The following BOD1L1 variants were observed in gnomAD, a reference collection of about 807,000 sequenced individuals.
BOD1L1 encodes biorientation of chromosomes in cell division protein 1-like 1.
In BOD1L1, 86 loss-of-function variants were observed where a neutral mutation model predicts 240.7. The observed-to-expected ratio is 0.36, with a 90% CI of 0.30 to 0.43. The LOEUF (loss-of-function observed/expected upper bound fraction) is 0.43, where lower values mean the gene tolerates loss of function less well. BOD1L1 is among the 20% of genes least tolerant of loss of function. BOD1L1 has a pLI of 1.00. For synonymous variants in BOD1L1, 1,268 were observed against 1,272.3 expected, an observed-to-expected ratio of 1.00 and a Z score of 0.07; for missense variants, 3,554 against 3,643.5, an observed-to-expected ratio of 0.98 and a Z score of 0.63.
rs1717524211 is a variant in BOD1L1 at position 13,627,701 on chromosome 4, G to A, written c.-114C>T. Reference sequence around the variant, plus strand: ...CCAACGGGATGTTGTTACGGAACCAGCGGATCCAGAGCAACCCCGGAAGTG... The same window carrying A: ...CCAACGGGATGTTGTTACGGAACCAACGGATCCAGAGCAACCCCGGAAGTG... On this transcript the variant is annotated 5_prime_UTR_variant, in exon 1 of 26. Coordinates refer to ENST00000040738, the MANE Select transcript of BOD1L1 (RefSeq NM_148894.3). The A allele has an allele frequency of 1.1e-6, 1 of 939,102 alleles. No individual in the cohort carries two copies. Among genetic ancestry groups the A allele is most frequent in the African/African-American group, 1.8e-5 (1 of 56,366 alleles). The allele number at this position is 939,102 out of a possible 1,614,324, so 58.2% of individuals were successfully genotyped here. A position where few individuals can be genotyped will look rare whatever the true frequency, so the allele number is the denominator to read the frequency against.
At position 13,602,572 on chromosome 4, in the gene BOD1L1, A is replaced by G. The variant is rs1374441218; in HGVS notation, c.4328T>C (p.Val1443Ala). The G allele has an allele frequency of 6.2e-7, 1 of 1,614,024 alleles. No homozygotes were observed. Among genetic ancestry groups the G allele is most frequent in the African/African-American group, 1.3e-5 (1 of 75,048 alleles). The part of the protein sequence containing the change: ...GKKDGIAVDH[V>A]VGLNTEKYAE... ...ATATTTTTCTGTATTCAGGCCTACA[A>G]CATGATCAACAGCAATGCCATCCTT... Residue 1443 changes from valine to alanine, a missense_variant, in exon 10 of 26, where the codon GTT (valine) becomes GCT (alanine). Physicochemically the swap from Val to Ala is moderately conservative, Grantham distance 64. Transcript: ENST00000040738.
In BOD1L1 at chr4:13,598,622, T is replaced by C. The variant is rs1337697063; in HGVS notation, c.7954+324A>G. 3.9e-5 allele frequency among the ~76,000 whole-genome samples: 6 copies of C among 152,294 alleles called. No individual in the cohort carries two copies. The East Asian group carries it at 1.2e-3, about 29-fold the overall frequency. The stretch of plus-strand genomic sequence containing the variant: ...TCTTCTTTTTGATTGACAAAAAACC[T>C]GTAGGTCAAAAAGGTTTAGTAAGTT... On this transcript the variant is annotated intron_variant, in intron 10 of 25. Coordinates refer to ENST00000040738, the MANE Select transcript of BOD1L1 (RefSeq NM_148894.3).
intron 2 of BOD1L1, 22 bp from the exon 3 acceptor site, chr4:13,615,524 G>C (rs1716518734): frequency 2.6e-6 from 4 of 1,552,836 alleles, no homozygotes; most frequent in Middle Eastern, 1.7e-4. Context: ...GATAATTTAT[G>C]GAAAGGTGAA....
rs576239363 is a variant in BOD1L1 at position 13,586,573 on chromosome 4, G to A, written c.8354-98C>T. ...AAGACTGTTTGAGCCTTCTTTCTTA[G>A]GCCTGTGATACAGAGAAGCCAAAAG... On this transcript the variant is annotated intron_variant, in intron 16 of 25. Coordinates refer to ENST00000040738, the MANE Select transcript of BOD1L1 (RefSeq NM_148894.3). 52 of 688,498 alleles carry A rather than the reference G, an allele frequency of 7.6e-5. 2 individuals carry two copies. In the South Asian group the frequency reaches 9.2e-4, roughly 12 times the overall value. The allele number at this position is 688,498 out of a possible 1,614,324, so 42.6% of individuals were successfully genotyped here. A position where few individuals can be genotyped will look rare whatever the true frequency, so the allele number is the denominator to read the frequency against.
Position 13,602,495 on chromosome 4 carries a change from T to G in BOD1L1, c.4405A>C (p.Ile1469Leu). The part of the protein sequence containing the change: ...HKRSPGKVKD[I>L]SIDVERRNEN... ...TTCCTTCTTTCAACATCAATTGATA[T>G]GTCTTTTACTTTACCTGGGCTTCTT... Residue 1469 changes from isoleucine to leucine, a missense_variant, in exon 10 of 26, where the codon ATA becomes CTA. Ile to Leu is a conservative substitution (Grantham distance 5, BLOSUM62 2). Coordinates refer to ENST00000040738, the MANE Select transcript of BOD1L1 (RefSeq NM_148894.3). 6.2e-7 allele frequency: 1 copy of G among 1,614,004 alleles called. No individual in the cohort carries two copies. The highest frequency in any genetic ancestry group is 8.5e-7 in the Non-Finnish European group (1 of 1,179,876).
intron 2 of BOD1L1, among the ~76,000 whole-genome samples, chr4:13,616,058 C>T (rs1336393578): frequency 1.3e-5 from 2 of 152,178 alleles, no homozygotes; most frequent in Non-Finnish European, 2.9e-5. Flanking sequence ...TTCTGGCTTT[C>T]TATTATCTTC....
chr4:13,588,124 C>T (rs2108908520), intron 15 of BOD1L1, among the ~76,000 whole-genome samples: 1 of 147,858 alleles, frequency 6.8e-6, no homozygotes, highest in South Asian at 2.1e-4. Flanking sequence ...GGAGGCGGAG[C>T]TTGCAGTGAG....
At position 13,601,865 on chromosome 4, in the gene BOD1L1, T is replaced by A. The variant is rs751128794; in HGVS notation, c.5035A>T (p.Thr1679Ser). ...RDSEIVEGTI[T>S]FISEVESDGA... The stretch of plus-strand genomic sequence containing the variant: ...TCACTTTCAACTTCACTAATAAAAG[T>A]AATAGTTCCTTCAACTATTTCTGAG... Residue 1679 changes from threonine (T) to serine (S), a missense_variant, in exon 10 of 26, where the codon ACT becomes TCT. Physicochemically the swap from Thr to Ser is moderately conservative, Grantham distance 58. This residue lies in a region of BOD1L1 where 3,393 missense variants were observed against 3,427.1 expected (regional missense o/e 0.99). Coordinates refer to ENST00000040738, the MANE Select transcript of BOD1L1 (RefSeq NM_148894.3). 6.2e-7 allele frequency: 1 copy of A among 1,614,010 alleles called. No individual in the cohort carries two copies. Among genetic ancestry groups the A allele is most frequent in the Non-Finnish European group, 8.5e-7 (1 of 1,179,882 alleles).
At chr4:13,606,975 G>A (rs1442943411) in intron 9 of BOD1L1, 142 bp downstream of exon 9, 3 of 493,500 alleles carry the variant, frequency 6.1e-6, no homozygotes, top group Admixed American at 4.3e-5. Flanking sequence ...ATAACAAAAT[G>A]GGGTTTCAAA....
In BOD1L1 at chr4:13,614,789, C is replaced by G; in HGVS notation, c.581G>C (p.Ser194Thr). ...CATGGCATCATTGGCTACATTAGCA[C>G]TGGGCCCAGGAGTAGGAACACCTTA... ...ITQGVPTPGP[S>T]ANVANDAMSI... is the part of the protein sequence containing the mutation. The change falls in exon 4 of 26, where the codon AGT becomes ACT. Residue 194 changes from serine (S) to threonine (T), a missense_variant. By Grantham distance (58) the Ser-to-Thr change is moderately conservative. This residue lies in a region of BOD1L1 where 3,393 missense variants were observed against 3,427.1 expected (regional missense o/e 0.99). Transcript: ENST00000040738. The G allele has an allele frequency of 6.2e-7, 1 of 1,612,992 alleles. No homozygotes were observed. The highest frequency in any genetic ancestry group is 8.5e-7 in the Non-Finnish European group (1 of 1,179,474).
rs773293859 is a variant in BOD1L1 at position 13,610,939 on chromosome 4, A to T, written c.1486T>A (p.Ser496Thr). 4.4e-6 allele frequency: 7 copies of T among 1,598,666 alleles called. No homozygotes were observed. In the Admixed American group the frequency reaches 1.3e-4, roughly 29 times the overall value. Reference sequence around the variant, plus strand: ...ACAGAACAAACTGGACTTACAATGGACTGTCGTCGTTGTTCTACAGTAAGC... The same window carrying T: ...ACAGAACAAACTGGACTTACAATGGTCTGTCGTCGTTGTTCTACAGTAAGC... ...DELTVEQRRQ[S>T]IAKEKEERLL... The change falls in exon 6 of 26, where the codon TCC becomes ACC. Residue 496 changes from serine to threonine, a missense_variant. Transcript: ENST00000040738.
Position 13,614,383 on chromosome 4 carries a change from A to G in BOD1L1, c.987T>C (p.Asn329=). 1 of 1,558,686 alleles carries G rather than the reference A, an allele frequency of 6.4e-7. No individual in the cohort carries two copies. Among genetic ancestry groups the G allele is most frequent in the Non-Finnish European group, 8.7e-7 (1 of 1,150,530 alleles). ...TTTCTTTCTTTCTTTCTCCTTTCTC[A>G]TTGCTGTCTGGCTTCTTTTCACCTT... ...TDKGEKKPDS[N]EKGERKKEKK... The change falls in exon 4 of 26, where the codon AAT becomes AAC. Residue 329 remains asparagine, a synonymous_variant. Coordinates refer to ENST00000040738, the MANE Select transcript of BOD1L1 (RefSeq NM_148894.3).
intron 8 of BOD1L1, among the ~76,000 whole-genome samples, chr4:13,608,276 T>A (rs1259810467): frequency 6.6e-6 from 1 of 152,204 alleles, no homozygotes. Flanking sequence ...ATGTACATTT[T>A]TCAGGGGAGA....
intron 18 of BOD1L1, 47 bp from the exon 19 acceptor site, chr4:13,582,357 C>T (rs1314612323): frequency 3.4e-6 from 5 of 1,449,902 alleles, no homozygotes; most frequent in South Asian, 1.2e-5. Flanking sequence ...CCATGGTCAG[C>T]CTTCCCCACC....
chr4:13,602,397 T>G lies in BOD1L1; in HGVS notation c.4503A>C (p.Gln1501His), dbSNP rs760686287. 6.2e-7 allele frequency: 1 copy of G among 1,613,988 alleles called. No homozygotes were observed. Among genetic ancestry groups the G allele is most frequent in the Non-Finnish European group, 8.5e-7 (1 of 1,179,888 alleles). ...TAGGCCCAGTTGCCACATCCTCAGT[T>G]TGTCCGTTCCTTTGGTGTAAAACAG... ...APSVLHQRNG[Q>H]TEDVATGPRR... The change falls in exon 10 of 26, where the codon CAA becomes CAC. Residue 1501 changes from glutamine (Q) to histidine (H), a missense_variant. Gln to His is a conservative substitution (Grantham distance 24). Coordinates refer to ENST00000040738, the MANE Select transcript of BOD1L1 (RefSeq NM_148894.3).
rs751957713 is a variant in BOD1L1, at chr4:13,582,636, C to A, written c.8518+16G>T. The A allele has an allele frequency of 6.3e-7, 1 of 1,582,064 alleles. No individual in the cohort carries two copies. The highest frequency in any genetic ancestry group is 2.2e-5 in the East Asian group (1 of 44,732). On this transcript the variant is annotated intron_variant, in intron 18 of 25. Coordinates refer to ENST00000040738, the MANE Select transcript of BOD1L1 (RefSeq NM_148894.3). Reference sequence around the variant, plus strand: ...TGAAGGCTCAGTCAATTTACCCAAGCAGATATTTTACTCACCTTTTTCTTC... The same window carrying A: ...TGAAGGCTCAGTCAATTTACCCAAGAAGATATTTTACTCACCTTTTTCTTC...
intron 15 of BOD1L1, 138 bp from the exon 16 acceptor site, chr4:13,587,909 G>A: frequency 1.7e-6 from 1 of 597,064 alleles, no homozygotes; most frequent in Middle Eastern, 4.7e-4. Flanking sequence ...CACTTGGCCG[G>A]GTGCAGTGGC....
rs1189884716 is a variant in BOD1L1 at position 13,604,072 on chromosome 4, T to C, written c.2828A>G (p.Lys943Arg). 16 of 1,613,732 alleles carry C rather than the reference T, an allele frequency of 9.9e-6. No homozygotes were observed. The highest frequency in any genetic ancestry group is 1.3e-5 in the African/African-American group (1 of 74,946). The change falls in exon 10 of 26, where the codon AAG becomes AGG. Residue 943 changes from lysine to arginine, a missense_variant. By Grantham distance (26) the Lys-to-Arg change is conservative. Around this residue, in one of 2 missense-constraint regions of BOD1L1, gnomAD observed 3,393 missense variants for 3,427.1 expected, o/e 0.99. Coordinates refer to ENST00000040738, the MANE Select transcript of BOD1L1 (RefSeq NM_148894.3). ...GTCATTTTCTTCTGTGTTCTTCTCC[T>C]TGTCTGGTTTTGGAGTGGTTGCCTG... is the stretch of plus-strand genomic sequence containing the variant. ...TKQATTPKPD[K>R]EKNTEENDSE...
In BOD1L1 at chr4:13,609,398, T is replaced by C; in HGVS notation, c.1500A>G (p.Glu500=). The C allele has an allele frequency of 6.6e-7, 1 of 1,519,086 alleles. No homozygotes were observed. The highest frequency in any genetic ancestry group is 1.3e-5 in the South Asian group (1 of 74,172). 94.1% of individuals were successfully genotyped at this position (1,519,086 alleles called of 1,614,324 possible). A position where few individuals can be genotyped will look rare whatever the true frequency, so the allele number is the denominator to read the frequency against. Residue 500 remains glutamate, a synonymous_variant, in exon 7 of 26, where the codon GAA becomes GAG. Coordinates refer to ENST00000040738, the MANE Select transcript of BOD1L1 (RefSeq NM_148894.3). ...GCCTTCTTAAAAGCCTCTCTTCTTT[T>C]TCTTTGGCCTAAAACCACAAAATAC... ...VEQRRQSIAK[E]KEERLLRRQI... is the part of the protein sequence containing the mutation.
Sources: allele counts gnomAD v4.1 joint callset (sites outside exome capture counted in the v4.1 genomes callset), GRCh38; gene constraint gnomAD v4.1.1; regional missense constraint gnomAD v4.1.1; transcripts MANE v1.5; gene names NCBI Gene and HGNC (gene_info 2026-07-23, HGNC 2026-07-21).